Variants in FER observed in about 807,000 individuals in gnomAD.
FER encodes the protein tyrosine-protein kinase Fer.
Under a neutral mutation model 111.0 loss-of-function variants are expected in FER, and 63 were observed. The observed-to-expected ratio is 0.57, with a 90% CI of 0.46 to 0.70. The LOEUF is 0.70. Among genes scored for constraint, FER ranks in the 30% least tolerant of loss-of-function variants. The probability of loss-of-function intolerance (pLI) is 0.00; values close to 1 mark genes in which losing one functional copy is unlikely to be tolerated. For synonymous variants in FER, 327 were observed against 313.9 expected (o/e 1.04, Z -0.44); for missense variants, 914 against 954.0 (o/e 0.96, Z 0.55).
At chr5:109,141,498 C>T (rs1353653835) in intron 17 of FER, among the ~76,000 whole-genome samples, 4 of 152,158 alleles carry the variant, frequency 2.6e-5, no homozygotes, top group Admixed American at 2.6e-4. Context: ...GTTAGGCTAA[C>T]ACAGATAGAT....
chr5:109,046,780 T>C (rs1772044198), intron 15 of FER, among the ~76,000 whole-genome samples: 1 of 152,258 alleles, frequency 6.6e-6, no homozygotes, highest in East Asian at 1.9e-4. Flanking sequence ...TTATATTAGG[T>C]CTTATAAGTA....
At chr5:109,047,231 A>T (rs750284007) in intron 16 of FER, 33 bp downstream of exon 16, 1 of 1,181,800 alleles carries the variant, frequency 8.5e-7, no homozygotes, top group East Asian at 2.4e-5. Context: ...GCATGATGAC[A>T]TTTTAATGTC....
chr5:108,831,505 T>A (rs1760042106), intron 3 of FER, among the ~76,000 whole-genome samples: 1 of 152,336 alleles, frequency 6.6e-6, no homozygotes, highest in Admixed American at 6.5e-5. Context: ...AATTAGTGAT[T>A]ATATTTTCAT....
At chr5:108,951,825 C>G (rs1353527426) in intron 11 of FER, among the ~76,000 whole-genome samples, 1 of 152,038 alleles carries the variant, frequency 6.6e-6, no homozygotes, top group Non-Finnish European at 1.5e-5. Context: ...AAAAGAAGCT[C>G]ATCTTGCTAC....
At chr5:108,913,787 G>C (rs1320105132) in intron 10 of FER, among the ~76,000 whole-genome samples, 2 of 152,292 alleles carry the variant, frequency 1.3e-5, no homozygotes, top group East Asian at 3.9e-4. Flanking sequence ...CATAAATTGT[G>C]GGATACTTAC....
At chr5:109,158,002 A>G (rs963165468) in intron 17 of FER, among the ~76,000 whole-genome samples, 3 of 152,136 alleles carry the variant, frequency 2.0e-5, no homozygotes, top group Non-Finnish European at 2.9e-5. Flanking sequence ...TTAGGTTTTG[A>G]AGAATGCATA....
chr5:109,163,091 T>C (rs149900531), intron 17 of FER, among the ~76,000 whole-genome samples: 4 of 152,136 alleles, frequency 2.6e-5, no homozygotes, highest in Non-Finnish European at 4.4e-5. Context: ...CGAGCTATGA[T>C]CTCTAATGTC....
intron 9 of FER, among the ~76,000 whole-genome samples, chr5:108,888,336 C>G (rs1370899425): frequency 6.6e-6 from 1 of 151,962 alleles, no homozygotes; most frequent in East Asian, 1.9e-4. Context: ...GGTCACGTGG[C>G]TCATGAAACT....
intron 9 of FER, among the ~76,000 whole-genome samples, chr5:108,886,466 T>A (rs971975904): frequency 2.0e-5 from 3 of 149,496 alleles, no homozygotes; most frequent in African/African-American, 7.4e-5. Flanking sequence ...CATACATAAA[T>A]GTACATATAT....
At chr5:108,762,324 A>G (rs981800485) in intron 1 of FER, among the ~76,000 whole-genome samples, 3 of 152,090 alleles carry the variant, frequency 2.0e-5, no homozygotes, top group Non-Finnish European at 4.4e-5. Context: ...CTTTTCCTTT[A>G]GTTCTTCAAC....
At position 109,015,724 on chromosome 5, in the gene FER, C is replaced by G. The variant is rs543387608; in HGVS notation, c.1657-21698C>G. Among the ~76,000 whole-genome samples, 5 of 152,080 alleles carry G rather than the reference C, an allele frequency of 3.3e-5. No individual in the cohort carries two copies. In the South Asian group the frequency reaches 8.3e-4, roughly 25 times the overall value. On this transcript the variant is annotated intron_variant, in intron 13 of 19. Coordinates refer to ENST00000281092, the MANE Select transcript of FER (RefSeq NM_005246.4). ...AAATTAAATGGAATCATGAGCAACCCTATATTTTAAAGCAGAAATATGATT... is the reference window on the plus strand; with the variant it reads ...AAATTAAATGGAATCATGAGCAACCGTATATTTTAAAGCAGAAATATGATT...
intron 5 of FER, among the ~76,000 whole-genome samples, chr5:108,857,104 TACC>T (rs1295256314): frequency 6.6e-6 from 1 of 152,156 alleles, no homozygotes; most frequent in Admixed American, 6.5e-5. Context: ...GTTCACATTT[TACC>T]ACATTTGCTT....
intron 6 of FER, among the ~76,000 whole-genome samples, chr5:108,869,479 G>A (rs1468091804): frequency 6.6e-6 from 1 of 152,038 alleles, no homozygotes; most frequent in African/African-American, 2.4e-5. Flanking sequence ...AATTAGTCAA[G>A]GATCTCAAGT....
At chr5:108,934,478 A>G (rs1755168782) in intron 10 of FER, among the ~76,000 whole-genome samples, 1 of 152,158 alleles carries the variant, frequency 6.6e-6, no homozygotes, top group African/African-American at 2.4e-5. Context: ...GTAATGCCCT[A>G]TTTACATAAA....
chr5:109,010,227 G>A (rs1403976316), intron 13 of FER, among the ~76,000 whole-genome samples: 2 of 151,766 alleles, frequency 1.3e-5, no homozygotes, highest in Non-Finnish European at 2.9e-5. Flanking sequence ...GCACAATCTC[G>A]GCCCACTGCA....
intron 13 of FER, among the ~76,000 whole-genome samples, chr5:109,011,707 A>T (rs1485270839): frequency 6.6e-6 from 1 of 151,968 alleles, no homozygotes; most frequent in African/African-American, 2.4e-5. Context: ...GGGCTATTTT[A>T]TCTTTTTGCT....
chr5:108,964,409 G>A (rs7702557), intron 13 of FER, among the ~76,000 whole-genome samples: 7,078 of 152,228 alleles, frequency 0.046, 264 homozygotes, highest in South Asian at 0.11. Context: ...TCAGCAGTTA[G>A]TACAGCATGT....
At chr5:109,167,722 T>TA (rs1756698163) in intron 17 of FER, among the ~76,000 whole-genome samples, 1 of 152,154 alleles carries the variant, frequency 6.6e-6, no homozygotes, top group African/African-American at 2.4e-5. Context: ...TGCTTGATAG[T>TA]AAAAATAGCC....
At chr5:108,798,048 C>G in intron 2 of FER, 76 bp from the exon 3 acceptor site, 1 of 539,614 alleles carries the variant, frequency 1.9e-6, no homozygotes, top group Non-Finnish European at 3.2e-6. Context: ...AAAGAAGAAT[C>G]TATCATAACT....
Sources: allele counts gnomAD v4.1 joint callset (sites outside exome capture counted in the v4.1 genomes callset), GRCh38; gene constraint gnomAD v4.1.1; transcripts MANE v1.5; gene names NCBI Gene and HGNC (gene_info 2026-07-23, HGNC 2026-07-21).